Variants in CREBBP observed in about 807,000 individuals in gnomAD.
CREBBP encodes CREB-binding protein.
A neutral mutation model predicts 265.0 loss-of-function variants in CREBBP; 19 were observed. The ratio of observed to expected loss-of-function variants is 0.07; its 90% confidence interval spans 0.05 to 0.11. The LOEUF (loss-of-function observed/expected upper bound fraction) is 0.11, where lower values mean the gene tolerates loss of function less well. Among genes scored for constraint, CREBBP ranks in the 10% least tolerant of loss-of-function variants. The probability of loss-of-function intolerance (pLI) is 1.00; values close to 1 mark genes in which losing one functional copy is unlikely to be tolerated. For missense variants in CREBBP, 2,525 were observed against 3,219.0 expected, an observed-to-expected ratio of 0.78 and a Z score of 5.22; for synonymous variants, 1,457 against 1,223.7, an observed-to-expected ratio of 1.19 and a Z score of -3.98.
At chr16:3,819,688 C>T (rs556232015) in intron 2 of CREBBP, among the ~76,000 whole-genome samples, 12 of 152,284 alleles carry the variant, frequency 7.9e-5, no homozygotes, top group South Asian at 2.1e-4. Flanking sequence ...AAATCATAAG[C>T]GTTTCCAGTT....
intron 1 of CREBBP, among the ~76,000 whole-genome samples, chr16:3,878,819 A>G (rs1353971177): frequency 6.6e-6 from 1 of 152,232 alleles, no homozygotes; most frequent in Non-Finnish European, 1.5e-5. Context: ...AGAGCTCTAA[A>G]AGAGGAAATA....
At chr16:3,827,685 C>A (rs1264692683) in intron 2 of CREBBP, among the ~76,000 whole-genome samples, 1 of 152,158 alleles carries the variant, frequency 6.6e-6, no homozygotes, top group Non-Finnish European at 1.5e-5. Context: ...GCCACCATGC[C>A]TGGCTACTTA....
chr16:3,861,952 T>C (rs1166845302), intron 1 of CREBBP, among the ~76,000 whole-genome samples: 1 of 152,162 alleles, frequency 6.6e-6, no homozygotes, highest in South Asian at 2.1e-4. Context: ...ACTGATCTGC[T>C]GAAGAGCCAG....
rs1360670779 is a variant in CREBBP at position 3,729,518 on chromosome 16, G to A, written c.5529C>T (p.Cys1843=). ...CQENKCPVPF[C]LNIKHKLRQQ... is the part of the protein sequence containing the mutation. ...GGCGGAGCTTGTGTTTGATGTTGAG[G>A]CAGAAGGGCACGGGGCATTTGTTTT... Residue 1843 remains cysteine, a synonymous_variant, in exon 31 of 31, where the codon TGC becomes TGT. Coordinates refer to ENST00000262367, the MANE Select transcript of CREBBP (RefSeq NM_004380.3). 6 of 1,614,090 alleles carry A rather than the reference G, an allele frequency of 3.7e-6. No individual in the cohort carries two copies. Among genetic ancestry groups the A allele is most frequent in the South Asian group, 1.1e-5 (1 of 91,094 alleles).
rs1053049323 is a variant in CREBBP, at chr16:3,769,291, T to C, written c.2943A>G (p.Ala981=). 2.2e-5 allele frequency: 36 copies of C among 1,614,090 alleles called. No homozygotes were observed. Among genetic ancestry groups the C allele is most frequent in the Non-Finnish European group, 3.0e-5 (35 of 1,180,040 alleles). ...GTCCTGGCTGCTGGGAATTGGTTTC[T>C]GCGCTGGCCACCGAGGAGGGGGTAG... is the stretch of plus-strand genomic sequence containing the variant. ...RVPTPSSVAS[A]ETNSQQPGPD... The change falls in exon 15 of 31, where the codon GCA becomes GCG. Residue 981 remains alanine (A), a synonymous_variant. Transcript: ENST00000262367.
chr16:3,833,734 C>G (rs374872177), intron 2 of CREBBP, among the ~76,000 whole-genome samples: 1 of 152,048 alleles, frequency 6.6e-6, no homozygotes, highest in South Asian at 2.1e-4. Flanking sequence ...TACTGTAAAG[C>G]TAAAGTACAA....
intron 18 of CREBBP, 142 bp downstream of exon 18, chr16:3,757,667 G>T: frequency 8.0e-7 from 1 of 1,243,958 alleles, no homozygotes. Flanking sequence ...CCATCACATC[G>T]CTTCAGGCAT....
At chr16:3,871,188 C>CT (rs1236044270) in intron 1 of CREBBP, among the ~76,000 whole-genome samples, 1 of 48,780 alleles carries the variant, frequency 2.1e-5, no homozygotes, top group Non-Finnish European at 4.9e-5. Flanking sequence ...CTCTCTCTCT[C>CT]TCTCTCTCAC....
At chr16:3,864,629 C>G (rs1356536655) in intron 1 of CREBBP, among the ~76,000 whole-genome samples, 1 of 152,020 alleles carries the variant, frequency 6.6e-6, no homozygotes, top group Non-Finnish European at 1.5e-5. Context: ...TCCTGGGTGA[C>G]AGAGTGAGAC....
In CREBBP at chr16:3,767,819, T is replaced by C; in HGVS notation, c.3151A>G (p.Lys1051Glu). 6.2e-7 allele frequency: 1 copy of C among 1,614,234 alleles called. No individual in the cohort carries two copies. ...QKSEPMEVDE[K>E]KPEVKVEVKE... ...ACTTCTACTTTCACTTCAGGTTTCT[T>C]TTCATCCACTTCCATTGGTTCTGAT... The change falls in exon 16 of 31, where the codon AAG (lysine) becomes GAG (glutamate). Residue 1051 changes from lysine (K) to glutamate (E), a missense_variant. Coordinates refer to ENST00000262367, the MANE Select transcript of CREBBP (RefSeq NM_004380.3).
intron 2 of CREBBP, among the ~76,000 whole-genome samples, chr16:3,834,975 G>A (rs534271354): frequency 7.2e-5 from 11 of 152,188 alleles, no homozygotes; most frequent in African/African-American, 1.9e-4. Context: ...TGGCTAACAC[G>A]GTGAAACCCC....
chr16:3,861,989 C>G (rs543793477), intron 1 of CREBBP, among the ~76,000 whole-genome samples: 2 of 152,176 alleles, frequency 1.3e-5, no homozygotes, highest in East Asian at 1.9e-4. Flanking sequence ...CCCCCACCCT[C>G]TCCTCCCCAG....
At chr16:3,843,975 C>T (rs987704873) in intron 2 of CREBBP, among the ~76,000 whole-genome samples, 1 of 150,202 alleles carries the variant, frequency 6.7e-6, no homozygotes, top group African/African-American at 2.4e-5. Flanking sequence ...GGTGAAACCC[C>T]GTCTCTACTA....
intron 2 of CREBBP, among the ~76,000 whole-genome samples, chr16:3,811,480 C>T (rs2053936840): frequency 6.6e-6 from 1 of 152,076 alleles, no homozygotes; most frequent in Admixed American, 6.5e-5. Context: ...ATTTTCTTTT[C>T]CTTATGGTTT....
At chr16:3,793,122 A>G (rs1317023570) in intron 4 of CREBBP, among the ~76,000 whole-genome samples, 1 of 152,248 alleles carries the variant, frequency 6.6e-6, no homozygotes, top group Non-Finnish European at 1.5e-5. Context: ...AAGGAGGAAA[A>G]GAACAAATAC....
intron 3 of CREBBP, among the ~76,000 whole-genome samples, chr16:3,798,175 T>C (rs1487354570): frequency 6.6e-6 from 1 of 152,156 alleles, no homozygotes; most frequent in African/African-American, 2.4e-5. Flanking sequence ...CACTCAAAAA[T>C]GAACTCAAGG....
intron 3 of CREBBP, among the ~76,000 whole-genome samples, chr16:3,800,304 A>G (rs1005617010): frequency 3.3e-5 from 5 of 152,114 alleles, no homozygotes; most frequent in African/African-American, 1.2e-4. Flanking sequence ...TTTTTTGTAG[A>G]GACAGAGTCT....
At chr16:3,749,714 TAACTAAA>T in intron 20 of CREBBP, 31 bp from the exon 21 acceptor site, 1 of 1,438,628 alleles carries the variant, frequency 7.0e-7, no homozygotes, top group Non-Finnish European at 9.7e-7. Flanking sequence ...CATGTTTTAT[TAACTAAA>T]ATTTATCTGT....
chr16:3,744,807 T>A (rs2052301023), intron 23 of CREBBP, 87 bp downstream of exon 23: 3 of 1,023,192 alleles, frequency 2.9e-6, no homozygotes, highest in Admixed American at 3.5e-5. Context: ...GAACCATGTG[T>A]TGAGAGGAAC....
Sources: gnomAD v4.1 joint callset for allele counts (sites outside exome capture counted in the v4.1 genomes callset) on GRCh38, gnomAD v4.1.1 for gene constraint, MANE v1.5 for transcripts, NCBI Gene and HGNC (gene_info 2026-07-23, HGNC 2026-07-21) for gene names.